Variants in ZFAND3 observed in about 807,000 individuals in gnomAD.
ZFAND3 encodes AN1-type zinc finger protein 3.
A neutral mutation model predicts 29.6 loss-of-function variants in ZFAND3; 10 were observed. That is an observed-to-expected ratio of 0.34 (90% CI 0.21 to 0.57). The LOEUF (loss-of-function observed/expected upper bound fraction) is 0.57, where lower values mean the gene tolerates loss of function less well. ZFAND3 is among the 20% of genes least tolerant of loss of function. The pLI is 0.86. For missense variants in ZFAND3, 230 were observed against 304.5 expected (o/e 0.76, Z 1.82); for synonymous variants, 128 against 112.6 (o/e 1.14, Z -0.87).
At chr6:37,976,881 C>T (rs557161541) in intron 2 of ZFAND3, among the ~76,000 whole-genome samples, 110 of 152,156 alleles carry the variant, frequency 7.2e-4, no homozygotes, top group African/African-American at 1.6e-3. Flanking sequence ...GGTGGGGACA[C>T]GTGGGGATTA....
chr6:38,075,384 G>C (rs1764532465), intron 3 of ZFAND3, among the ~76,000 whole-genome samples: 1 of 152,172 alleles, frequency 6.6e-6, no homozygotes, highest in South Asian at 2.1e-4. Context: ...TTCAAGACTT[G>C]GGCAGGGGAA....
intron 1 of ZFAND3, among the ~76,000 whole-genome samples, chr6:37,838,438 C>G (rs1764009931): frequency 6.7e-6 from 1 of 150,000 alleles, no homozygotes. Flanking sequence ...CTTTGTAATT[C>G]AAGACAATTT....
chr6:38,034,938 A>G (rs904087504), intron 2 of ZFAND3, among the ~76,000 whole-genome samples: 1 of 152,114 alleles, frequency 6.6e-6, no homozygotes, highest in Non-Finnish European at 1.5e-5. Context: ...GAAGGTTCCT[A>G]TTACATGTAT....
intron 2 of ZFAND3, among the ~76,000 whole-genome samples, chr6:38,056,599 A>G (rs996370333): frequency 6.6e-6 from 1 of 152,202 alleles, no homozygotes; most frequent in African/African-American, 2.4e-5. Context: ...GAAGCAGGAC[A>G]GGACAAAGTG....
At chr6:38,146,734 T>C (rs895081584) in intron 5 of ZFAND3, among the ~76,000 whole-genome samples, 3 of 152,110 alleles carry the variant, frequency 2.0e-5, no homozygotes, top group East Asian at 1.9e-4. Flanking sequence ...TCCTCTCTCT[T>C]TTTGGGGGGT....
At position 38,094,639 on chromosome 6, in the gene ZFAND3, A is replaced by G. The variant is rs532743968; in HGVS notation, c.361+12182A>G. ...ACTATTCCTCATCCCAGTGTTTGCT[A>G]TTTTATTGTTGATTTTCATTCTTTC... On this transcript the variant is annotated intron_variant, in intron 4 of 5. Transcript: ENST00000287218. Among the ~76,000 whole-genome samples, 4 of 152,254 alleles carry G rather than the reference A, an allele frequency of 2.6e-5. No individual in the cohort carries two copies. In the East Asian group the frequency reaches 5.8e-4, roughly 22 times the overall value.
At chr6:37,909,111 T>A (rs941774574) in intron 1 of ZFAND3, among the ~76,000 whole-genome samples, 1 of 152,108 alleles carries the variant, frequency 6.6e-6, no homozygotes, top group Non-Finnish European at 1.5e-5. Context: ...TGGTAGTAAG[T>A]GTGGAGATGG....
intron 2 of ZFAND3, among the ~76,000 whole-genome samples, chr6:37,951,584 C>G (rs929042786): frequency 5.3e-5 from 8 of 152,010 alleles, no homozygotes; most frequent in Non-Finnish European, 2.9e-5. Flanking sequence ...GACAGGGAGA[C>G]TCTGTCTAAA....
chr6:37,985,460 TAC>T (rs910114825), intron 2 of ZFAND3, among the ~76,000 whole-genome samples: 8 of 150,606 alleles, frequency 5.3e-5, no homozygotes, highest in Non-Finnish European at 1.0e-4. Flanking sequence ...AAACCCTGTC[TAC>T]ACACACACAT....
chr6:37,939,749 A>G (rs1037687467), intron 2 of ZFAND3, among the ~76,000 whole-genome samples: 10 of 152,158 alleles, frequency 6.6e-5, no homozygotes, highest in African/African-American at 9.7e-5. Context: ...GAAAAGTAGT[A>G]TAAGAGTTAA....
chr6:38,085,371 A>G (rs972852195), intron 4 of ZFAND3, among the ~76,000 whole-genome samples: 6 of 152,158 alleles, frequency 3.9e-5, no homozygotes, highest in Admixed American at 1.3e-4. Context: ...TATCCATACA[A>G]GGTTGGACCT....
At chr6:37,836,997 A>T (rs1219177225) in intron 1 of ZFAND3, among the ~76,000 whole-genome samples, 1 of 152,184 alleles carries the variant, frequency 6.6e-6, no homozygotes, top group East Asian at 1.9e-4. Flanking sequence ...AAGTCTTTCC[A>T]ATTGTATGTT....
chr6:37,925,593 A>C (rs779132554), intron 1 of ZFAND3, among the ~76,000 whole-genome samples: 4 of 151,636 alleles, frequency 2.6e-5, no homozygotes, highest in African/African-American at 9.7e-5. Flanking sequence ...AATCCCAGCT[A>C]CCTGGGAGGC....
rs1397913432 is a variant in ZFAND3, at chr6:37,833,885, TTTAC to T, written c.71+13871_71+13874del. On this transcript the variant is annotated intron_variant, in intron 1 of 5. Coordinates refer to ENST00000287218, the MANE Select transcript of ZFAND3 (RefSeq NM_021943.3). ...AAGGAGTTTCAGGTTTACAACAAAA[TTTAC>T]TAGAAGGTAAAAAGAGAGAGTTCCC... Among the ~76,000 whole-genome samples, 5 of 149,668 alleles carry T rather than the reference TTTAC, an allele frequency of 3.3e-5. No homozygotes were observed. In the South Asian group the frequency reaches 6.3e-4, roughly 19 times the overall value.
intron 2 of ZFAND3, among the ~76,000 whole-genome samples, chr6:38,005,834 T>C (rs1763039026): frequency 6.6e-6 from 1 of 152,224 alleles, no homozygotes; most frequent in South Asian, 2.1e-4. Flanking sequence ...AGTGTTGTTA[T>C]CAATGTACAC....
At chr6:38,015,147 A>G (rs1216623945) in intron 2 of ZFAND3, among the ~76,000 whole-genome samples, 1 of 152,142 alleles carries the variant, frequency 6.6e-6, no homozygotes, top group Middle Eastern at 3.2e-3. Flanking sequence ...AATCTTTTAT[A>G]TTATAACTCT....
In ZFAND3 at chr6:38,108,446, C is replaced by A. The variant is rs540492620; in HGVS notation, c.362-8126C>A. Among the ~76,000 whole-genome samples, 5 of 152,250 alleles carry A rather than the reference C, an allele frequency of 3.3e-5. No homozygotes were observed. The South Asian group carries it at 6.2e-4, about 19-fold the overall frequency. On this transcript the variant is annotated intron_variant, in intron 4 of 5. Transcript: ENST00000287218. ...CAGTCCAAGTCCAAAAGCCCCCAAA[C>A]AAAGGAAGCTGACAGTACACGCTTT...
chr6:38,080,083 A>G (rs1281983871), intron 3 of ZFAND3, among the ~76,000 whole-genome samples: 1 of 151,108 alleles, frequency 6.6e-6, no homozygotes, highest in Non-Finnish European at 1.5e-5. Context: ...ACATGTTCTC[A>G]CTCATAAATG....
In ZFAND3 at chr6:37,863,232, A is replaced by C. The variant is rs117425995; in HGVS notation, c.71+43216A>C. Among the ~76,000 whole-genome samples the C allele has an allele frequency of 5.7e-3, 869 of 152,342 alleles. 21 individuals are homozygous for C. Among genetic ancestry groups the C allele is most frequent in the East Asian group, 0.044 (230 of 5,190 alleles). ...AAGTCTGCAACTCCCTGCATTTGGC[A>C]AAGGGATTTATTAGAAGGAAACCCA... is the stretch of plus-strand genomic sequence containing the variant. On this transcript the variant is annotated intron_variant, in intron 1 of 5. Coordinates refer to ENST00000287218, the MANE Select transcript of ZFAND3 (RefSeq NM_021943.3).
Sources: allele counts gnomAD v4.1 joint callset (sites outside exome capture counted in the v4.1 genomes callset), GRCh38; gene constraint gnomAD v4.1.1; transcripts MANE v1.5; gene names NCBI Gene and HGNC (gene_info 2026-07-23, HGNC 2026-07-21).